DUS2: variants seen among roughly 807,000 people sequenced by gnomAD.
DUS2 encodes the protein tRNA-dihydrouridine(20) synthase [NAD(P)+]-like.
In DUS2, 52 loss-of-function variants were observed where a neutral mutation model predicts 71.3. That is an observed-to-expected ratio of 0.73 (90% CI 0.58 to 0.92). The LOEUF is 0.92. Among genes scored for constraint, DUS2 ranks in the 40% least tolerant of loss-of-function variants. The pLI, the probability that DUS2 is intolerant of heterozygous loss-of-function variation, is 0.00. For synonymous variants in DUS2, 204 were observed against 227.8 expected, an observed-to-expected ratio of 0.90 and a Z score of 0.94; for missense variants, 558 against 622.6, an observed-to-expected ratio of 0.90 and a Z score of 1.10.
chr16:68,060,946 G>T (rs1363296093), intron 7 of DUS2, 120 bp from the exon 8 acceptor site: 14 of 834,380 alleles, frequency 1.7e-5, no homozygotes, highest in East Asian at 2.5e-5. Flanking sequence ...CCGGTTGCCA[G>T]TGGGCCTTGG....
intron 3 of DUS2, among the ~76,000 whole-genome samples, chr16:68,041,900 AC>A (rs1015036089): frequency 6.6e-6 from 1 of 151,982 alleles, no homozygotes; most frequent in African/African-American, 2.4e-5. Flanking sequence ...TACTGTCTTA[AC>A]CATTTGTAAG....
chr16:68,025,535 T>C (rs2033335562), intron 2 of DUS2, 41 bp downstream of exon 2: 1 of 152,158 alleles, frequency 6.6e-6, no homozygotes, highest in Admixed American at 6.6e-5. Context: ...TGTTCAAATA[T>C]CCAGGGTAGG....
chr16:68,038,842 A>T (rs1201945522), intron 3 of DUS2, among the ~76,000 whole-genome samples: 1 of 151,400 alleles, frequency 6.6e-6, no homozygotes, highest in Non-Finnish European at 1.5e-5. Context: ...TGAGCCTAGG[A>T]GTTTGAGACC....
At position 68,067,375 on chromosome 16, in the gene DUS2, G is replaced by A. The variant is rs553980180; in HGVS notation, c.554+739G>A. 2.2e-5 allele frequency among the ~76,000 whole-genome samples: 3 copies of A among 137,246 alleles called. No individual in the cohort carries two copies. In the South Asian group the frequency reaches 7.6e-4, roughly 35 times the overall value. The allele number at this position is 137,246 out of a possible 152,430, so 90.0% of individuals were successfully genotyped here. On this transcript the variant is annotated intron_variant, in intron 10 of 16. Transcript: ENST00000565263. ...TGGCTCACTGCAATCTCCATCTCCC[G>A]GGTTCAAGTGATTCTCCTGCCTCAG... is the stretch of plus-strand genomic sequence containing the variant.
At position 68,047,600 on chromosome 16, in the gene DUS2, C is replaced by T. The variant is rs376233829; in HGVS notation, c.127-1905C>T. 2.6e-4 allele frequency among the ~76,000 whole-genome samples: 40 copies of T among 152,006 alleles called. No homozygotes were observed. The East Asian group carries it at 6.4e-3, about 24-fold the overall frequency. ...CCTGGTTCAAGCAATTCTCCTGCCTCAGCCTCCTGAGTAGCTGGGATTGCA... is the reference window on the plus strand; with the variant it reads ...CCTGGTTCAAGCAATTCTCCTGCCTTAGCCTCCTGAGTAGCTGGGATTGCA... On this transcript the variant is annotated intron_variant, in intron 3 of 16. Coordinates refer to ENST00000565263, the MANE Select transcript of DUS2 (RefSeq NM_017803.5).
chr16:68,074,671 T>G (rs2034132888), intron 13 of DUS2, among the ~76,000 whole-genome samples: 4 of 152,256 alleles, frequency 2.6e-5, no homozygotes, highest in African/African-American at 9.6e-5. Context: ...CCTGTGCTTG[T>G]AATGGGTCGT....
At chr16:68,047,781 G>A (rs2033726070) in intron 3 of DUS2, among the ~76,000 whole-genome samples, 2 of 141,454 alleles carry the variant, frequency 1.4e-5, no homozygotes, top group Admixed American at 1.4e-4. Flanking sequence ...CCGTGCTGGC[G>A]TGTTTTTTTT....
intron 8 of DUS2, among the ~76,000 whole-genome samples, chr16:68,063,046 C>T (rs995234646): frequency 2.6e-5 from 4 of 152,252 alleles, no homozygotes; most frequent in African/African-American, 9.6e-5. Flanking sequence ...CCAGCCTCCT[C>T]TCTTCTCAGA....
At chr16:68,034,477 C>CA (rs1460782311) in intron 2 of DUS2, among the ~76,000 whole-genome samples, 1 of 152,206 alleles carries the variant, frequency 6.6e-6, no homozygotes, top group Admixed American at 6.5e-5. Context: ...CTCAGCCTCC[C>CA]AAGTAACCGG....
chr16:68,057,043 T>C lies in DUS2; in HGVS notation c.369+619T>C, dbSNP rs568937716. Reference sequence around the variant, plus strand: ...ATAATACATATAAATATATGTAATATATATTTATATATATATGTAATATAT... The same window carrying C: ...ATAATACATATAAATATATGTAATACATATTTATATATATATGTAATATAT... On this transcript the variant is annotated intron_variant, in intron 7 of 16. Coordinates refer to ENST00000565263, the MANE Select transcript of DUS2 (RefSeq NM_017803.5). Among the ~76,000 whole-genome samples the C allele has an allele frequency of 1.6e-3, 209 of 130,810 alleles. 2 individuals are homozygous for C. The highest frequency in any genetic ancestry group is 5.6e-3 in the African/African-American group (196 of 34,866). 85.8% of individuals were successfully genotyped at this position (130,810 alleles called of 152,430 possible). A position where few individuals can be genotyped will look rare whatever the true frequency, so the allele number is the denominator to read the frequency against.
intron 7 of DUS2, among the ~76,000 whole-genome samples, chr16:68,060,022 G>A (rs539575599): frequency 1.6e-3 from 238 of 152,286 alleles, no homozygotes; most frequent in African/African-American, 5.5e-3. Context: ...ATTGTTGCTG[G>A]CAGAAGAGAA....
chr16:68,058,041 G>A (rs2033886223), intron 7 of DUS2, among the ~76,000 whole-genome samples: 1 of 152,044 alleles, frequency 6.6e-6, no homozygotes, highest in African/African-American at 2.4e-5. Flanking sequence ...TTAGGACCCT[G>A]TAAGCAGAGG....
intron 13 of DUS2, among the ~76,000 whole-genome samples, chr16:68,074,384 G>A (rs148950434): frequency 1.3e-5 from 2 of 152,308 alleles, no homozygotes; most frequent in East Asian, 3.9e-4. Context: ...GTACTAGAAG[G>A]ATAGAGGAAT....
chr16:68,035,953 TAC>T (rs2033519223), intron 2 of DUS2, among the ~76,000 whole-genome samples: 3 of 141,732 alleles, frequency 2.1e-5, no homozygotes, highest in African/African-American at 8.1e-5. Context: ...CACATATATA[TAC>T]ACACATATGT....
intron 2 of DUS2, among the ~76,000 whole-genome samples, chr16:68,034,508 A>C (rs923965053): frequency 2.0e-5 from 3 of 151,870 alleles, no homozygotes; most frequent in African/African-American, 7.3e-5. Context: ...ATGTGCCACC[A>C]CCCCCAGCTA....
intron 3 of DUS2, among the ~76,000 whole-genome samples, chr16:68,038,784 T>G (rs1022423978): frequency 3.4e-5 from 5 of 149,192 alleles, no homozygotes; most frequent in African/African-American, 9.9e-5. Flanking sequence ...GCGTGGTAGC[T>G]CATGCCGTAA....
intron 2 of DUS2, among the ~76,000 whole-genome samples, chr16:68,033,240 G>C (rs571184177): frequency 2.0e-5 from 3 of 152,266 alleles, no homozygotes; most frequent in East Asian, 3.9e-4. Context: ...CTGGTGCGCA[G>C]TTGTGGCCAT....
intron 3 of DUS2, among the ~76,000 whole-genome samples, chr16:68,039,221 G>A (rs2033583373): frequency 6.6e-6 from 1 of 152,008 alleles, no homozygotes; most frequent in Non-Finnish European, 1.5e-5. Flanking sequence ...AAAGAGTGTA[G>A]TGTCAGGGAA....
chr16:68,027,612 G>A (rs1444004449), intron 2 of DUS2, among the ~76,000 whole-genome samples: 1 of 152,258 alleles, frequency 6.6e-6, no homozygotes, highest in Admixed American at 6.5e-5. Context: ...CTCTGATGAG[G>A]ATCTGGTGAT....
Sources: gnomAD v4.1 joint callset for allele counts (sites outside exome capture counted in the v4.1 genomes callset) on GRCh38, gnomAD v4.1.1 for gene constraint, MANE v1.5 for transcripts, NCBI Gene and HGNC (gene_info 2026-07-23, HGNC 2026-07-21) for gene names.